Variants in ATP6V1C1 observed in about 807,000 individuals in gnomAD.
ATP6V1C1 encodes the protein ATPase H+ transporting V1 subunit C1.
Under a neutral mutation model 53.9 loss-of-function variants are expected in ATP6V1C1, and 45 were observed. That is an observed-to-expected ratio of 0.83 (90% confidence interval 0.66 to 1.07). The LOEUF (loss-of-function observed/expected upper bound fraction) is 1.07, where lower values mean the gene tolerates loss of function less well. Among genes scored for constraint, ATP6V1C1 ranks in the 50% least tolerant of loss-of-function variants. The probability of loss-of-function intolerance (pLI) is 0.00; values close to 1 mark genes in which losing one functional copy is unlikely to be tolerated. For missense variants in ATP6V1C1, 315 were observed against 440.3 expected (o/e 0.72, Z 2.55); for synonymous variants, 153 against 155.2 (o/e 0.99, Z 0.11).
At position 103,068,841 on chromosome 8, in the gene ATP6V1C1, TTTGC is replaced by T; in HGVS notation, c.*101_*104del. The T allele has an allele frequency of 9.6e-7, 1 of 1,039,686 alleles. No homozygotes were observed. The allele number at this position is 1,039,686 out of a possible 1,614,324, so 64.4% of individuals were successfully genotyped here. The stretch of plus-strand genomic sequence containing the variant: ...GGTCGTACTTTTAACTCTAGTATCC[TTTGC>T]TTGCTTCTTACGCCCTTTCCTAGGT... On this transcript the variant is annotated 3_prime_UTR_variant, in exon 13 of 13. Coordinates refer to ENST00000518738, the MANE Select transcript of ATP6V1C1 (RefSeq NM_001695.5).
At chr8:103,038,365 G>A (rs966451433) in intron 1 of ATP6V1C1, among the ~76,000 whole-genome samples, 6 of 152,144 alleles carry the variant, frequency 3.9e-5, no homozygotes, top group African/African-American at 9.7e-5. Context: ...GCTTCCATGC[G>A]TTTTGTTGGT....
At chr8:103,025,126 C>G (rs1022439490) in intron 1 of ATP6V1C1, among the ~76,000 whole-genome samples, 1 of 151,882 alleles carries the variant, frequency 6.6e-6, no homozygotes, top group South Asian at 2.1e-4. Context: ...AGAAAGGGAT[C>G]GATGGATCTT....
intron 10 of ATP6V1C1, among the ~76,000 whole-genome samples, chr8:103,064,131 G>C (rs997722824): frequency 6.6e-6 from 1 of 152,216 alleles, no homozygotes; most frequent in Non-Finnish European, 1.5e-5. Context: ...GGAGAGAGGA[G>C]GTATTTGAAA....
rs1817603095 is a variant in ATP6V1C1, at chr8:103,072,537, CT to C, written c.*3793del. On this transcript the variant is annotated 3_prime_UTR_variant, in exon 13 of 13. Transcript: ENST00000518738. ...TGTTCTGGAGGAAACCTAGCAAAAA[CT>C]TTGCTAGTTTAGTACTTGTCTCTAA... is the stretch of plus-strand genomic sequence containing the variant. 1.3e-5 allele frequency: 2 copies of C among 152,210 alleles called. No homozygotes were observed. Among genetic ancestry groups the C allele is most frequent in the South Asian group, 2.1e-4 (1 of 4,834 alleles). 9.4% of individuals were successfully genotyped at this position (152,210 alleles called of 1,614,324 possible). A position where few individuals can be genotyped will look rare whatever the true frequency, so the allele number is the denominator to read the frequency against.
intron 3 of ATP6V1C1, 23 bp from the exon 4 acceptor site, chr8:103,048,847 T>G (rs1449594449): frequency 6.3e-7 from 1 of 1,589,614 alleles, no homozygotes; most frequent in Non-Finnish European, 8.6e-7. Flanking sequence ...TGAGAATGGT[T>G]GTTGATATTT....
intron 8 of ATP6V1C1, among the ~76,000 whole-genome samples, chr8:103,062,615 A>G (rs964923852): frequency 2.0e-5 from 3 of 152,214 alleles, no homozygotes; most frequent in African/African-American, 7.2e-5. Context: ...CCAGAAAAGA[A>G]GAGTGTGCTT....
intron 2 of ATP6V1C1, 42 bp from the exon 3 acceptor site, chr8:103,042,297 TA>T (rs142055270): frequency 1.6e-3 from 2,382 of 1,477,718 alleles, no homozygotes; most frequent in Non-Finnish European, 1.9e-3. Context: ...TTTTTTTTTT[TA>T]AAAAAGCATG....
chr8:103,047,423 T>TGCGCGC (rs56115164), intron 3 of ATP6V1C1, among the ~76,000 whole-genome samples: 1 of 121,086 alleles, frequency 8.3e-6, no homozygotes, highest in African/African-American at 3.1e-5. Flanking sequence ...AAAAAAAAAA[T>TGCGCGC]GCGCGCGCAC....
intron 1 of ATP6V1C1, among the ~76,000 whole-genome samples, chr8:103,035,423 G>A (rs527709496): frequency 2.5e-4 from 38 of 152,292 alleles, no homozygotes; most frequent in African/African-American, 8.4e-4. Flanking sequence ...GTTTCACAGA[G>A]AAGAAGATAT....
At chr8:103,032,858 A>T (rs1000825189) in intron 1 of ATP6V1C1, among the ~76,000 whole-genome samples, 1 of 152,198 alleles carries the variant, frequency 6.6e-6, no homozygotes, top group South Asian at 2.1e-4. Flanking sequence ...AGAGAAAAAT[A>T]TATCTTCACA....
chr8:103,052,721 T>G lies in ATP6V1C1; in HGVS notation c.382-10T>G, dbSNP rs981372526. On this transcript the variant is annotated splice_polypyrimidine_tract_variant and intron_variant, in intron 5 of 12. Coordinates refer to ENST00000518738, the MANE Select transcript of ATP6V1C1 (RefSeq NM_001695.5). ...ATTTTATCTATTTTTCTTCTTTTTC[T>G]TTTTCAAAGGGAGTAACTCAGATTG... is the stretch of plus-strand genomic sequence containing the variant. 4 of 1,543,988 alleles carry G rather than the reference T, an allele frequency of 2.6e-6. No individual in the cohort carries two copies. Among genetic ancestry groups the G allele is most frequent in the East Asian group, 4.8e-5 (2 of 42,044 alleles).
chr8:103,031,543 A>C (rs576529742), intron 1 of ATP6V1C1, among the ~76,000 whole-genome samples: 284 of 152,210 alleles, frequency 1.9e-3, no homozygotes, highest in African/African-American at 6.6e-3. Context: ...ACTTCTTACT[A>C]TGGGGAGGGC....
intron 3 of ATP6V1C1, among the ~76,000 whole-genome samples, chr8:103,047,430 G>GCACACACACACA (rs546475923): frequency 5.0e-4 from 52 of 104,948 alleles, no homozygotes; most frequent in African/African-American, 1.3e-3. Context: ...AAATGCGCGC[G>GCACACACACACA]CACACACACA....
At chr8:103,048,816 A>G in intron 3 of ATP6V1C1, 54 bp from the exon 4 acceptor site, 1 of 1,458,122 alleles carries the variant, frequency 6.9e-7, no homozygotes, top group Non-Finnish European at 9.6e-7. Flanking sequence ...ATTGTATAGA[A>G]TGGAATTTAG....
chr8:103,027,718 A>G (rs552943675), intron 1 of ATP6V1C1, among the ~76,000 whole-genome samples: 13 of 149,402 alleles, frequency 8.7e-5, no homozygotes, highest in Admixed American at 6.0e-4. Flanking sequence ...TTTTTTAAGC[A>G]GCACACTTAT....
At chr8:103,038,730 G>T (rs1157422190) in intron 1 of ATP6V1C1, among the ~76,000 whole-genome samples, 1 of 152,192 alleles carries the variant, frequency 6.6e-6, no homozygotes, top group African/African-American at 2.4e-5. Flanking sequence ...GATTGGAAAA[G>T]AATATGATAG....
intron 2 of ATP6V1C1, among the ~76,000 whole-genome samples, chr8:103,041,955 T>C (rs1817008414): frequency 6.6e-6 from 1 of 152,224 alleles, no homozygotes; most frequent in Non-Finnish European, 1.5e-5. Context: ...AGATGTTTCC[T>C]CCAAAACGTA....
intron 3 of ATP6V1C1, among the ~76,000 whole-genome samples, chr8:103,047,551 CA>C (rs2131393326): frequency 6.6e-6 from 1 of 151,592 alleles, no homozygotes; most frequent in South Asian, 2.1e-4. Context: ...ATGTAGTCAT[CA>C]GAATACTTGT....
At chr8:103,049,085 AATT>A (rs1817155261) in intron 4 of ATP6V1C1, 130 bp downstream of exon 4, 1 of 771,770 alleles carries the variant, frequency 1.3e-6, no homozygotes, top group Non-Finnish European at 2.0e-6. Context: ...ATTAAAATAC[AATT>A]ATTATTACTG....
Sources: allele counts gnomAD v4.1 joint callset (sites outside exome capture counted in the v4.1 genomes callset), GRCh38; gene constraint gnomAD v4.1.1; transcripts MANE v1.5; gene names NCBI Gene and HGNC (gene_info 2026-07-23, HGNC 2026-07-21).